Variants in PAX5 observed in about 807,000 individuals in gnomAD.
The protein encoded by PAX5 is paired box 5, also known as paired box protein Pax-5.
A neutral mutation model predicts 43.7 loss-of-function variants in PAX5; 9 were observed. The observed-to-expected ratio is 0.21, with a 90% CI of 0.12 to 0.36. The LOEUF (loss-of-function observed/expected upper bound fraction) is 0.36, where lower values mean the gene tolerates loss of function less well. Ranked by LOEUF, PAX5 falls within the 10% of genes least tolerant of loss-of-function variation. The pLI is 1.00. For missense variants in PAX5, 383 were observed against 532.7 expected, an observed-to-expected ratio of 0.72 and a Z score of 2.77; for synonymous variants, 228 against 214.3, an observed-to-expected ratio of 1.06 and a Z score of -0.56.
intron 8 of PAX5, among the ~76,000 whole-genome samples, chr9:36,862,641 C>CAG (rs879903279): frequency 6.6e-6 from 1 of 152,146 alleles, no homozygotes; most frequent in Non-Finnish European, 1.5e-5. Context: ...TGGCTGGGGG[C>CAG]GTTTGGTCTG....
At position 36,882,267 on chromosome 9, in the gene PAX5, TACAC is replaced by T. The variant is rs10650417; in HGVS notation, c.911-166_911-163del. On this transcript the variant is annotated intron_variant, in intron 7 of 9. Coordinates refer to ENST00000358127, the MANE Select transcript of PAX5 (RefSeq NM_016734.3). This position sits in a 1 kb window ranked among gnomAD's most constrained non-coding sequence, Gnocchi z 4.4. ...GCTCACACGCTCTCACAAACACACA[TACAC>T]ACACACACACACACACACACACACT... Among the ~76,000 whole-genome samples the T allele has an allele frequency of 0.016, 2,348 of 146,264 alleles. 20 individuals carry two copies. The highest frequency in any genetic ancestry group is 0.024 in the East Asian group (117 of 4,818).
At chr9:37,024,126 A>G (rs1334420177) in intron 1 of PAX5, among the ~76,000 whole-genome samples, 1 of 152,232 alleles carries the variant, frequency 6.6e-6, no homozygotes, top group East Asian at 1.9e-4. Context: ...CATATTCTGC[A>G]AAATGGGTGA....
rs1212029510 is a variant in PAX5, at chr9:37,015,293, T to A, written c.213-99A>T. On this transcript the variant is annotated intron_variant, in intron 2 of 9. Transcript: ENST00000358127. This position sits in a 1 kb window ranked among gnomAD's most constrained non-coding sequence, Gnocchi z 4.4. ...ACTCTGGCCAGGAAACGTCCGGATCTGCACGTTCCAATACAGTAGCCACCA... is the reference window on the plus strand; with the variant it reads ...ACTCTGGCCAGGAAACGTCCGGATCAGCACGTTCCAATACAGTAGCCACCA... 2.0e-6 allele frequency: 2 copies of A among 1,025,482 alleles called. No homozygotes were observed. The highest frequency in any genetic ancestry group is 3.2e-5 in the African/African-American group (2 of 63,112). The allele number at this position is 1,025,482 out of a possible 1,614,324, so 63.5% of individuals were successfully genotyped here. A position where few individuals can be genotyped will look rare whatever the true frequency, so the allele number is the denominator to read the frequency against.
chr9:36,971,642 A>G (rs1362063514), intron 5 of PAX5, among the ~76,000 whole-genome samples: 1 of 152,190 alleles, frequency 6.6e-6, no homozygotes, highest in Non-Finnish European at 1.5e-5. Flanking sequence ...TTCTACTCCA[A>G]GTCAAATAAT....
chr9:36,908,191 C>T (rs1424561761), intron 7 of PAX5, among the ~76,000 whole-genome samples: 1 of 148,004 alleles, frequency 6.8e-6, no homozygotes, highest in East Asian at 2.0e-4. Context: ...AGGGTAAGAC[C>T]CTGTTTCAAA....
At chr9:36,920,919 T>A (rs1830125333) in intron 7 of PAX5, among the ~76,000 whole-genome samples, 1 of 147,426 alleles carries the variant, frequency 6.8e-6, no homozygotes, top group South Asian at 2.2e-4. Context: ...GTTCAAGCAA[T>A]TCTCCTGCCT....
At chr9:36,965,776 C>G (rs1484664574) in intron 6 of PAX5, among the ~76,000 whole-genome samples, 1 of 152,182 alleles carries the variant, frequency 6.6e-6, no homozygotes, top group East Asian at 1.9e-4. Flanking sequence ...AGAGCCATGT[C>G]TAGCCTGCAA....
intron 1 of PAX5, among the ~76,000 whole-genome samples, chr9:37,030,014 G>A (rs538449414): frequency 6.6e-6 from 1 of 152,222 alleles, no homozygotes; most frequent in South Asian, 2.1e-4. Flanking sequence ...GAATATGCCC[G>A]CACACGCAGG....
At chr9:37,033,956 G>A (rs2132592550) in intron 1 of PAX5, 30 bp downstream of exon 1, 1 of 1,608,762 alleles carries the variant, frequency 6.2e-7, no homozygotes, top group Middle Eastern at 2.2e-4. Flanking sequence ...CCCGGAGTTT[G>A]CACATCTGGA....
chr9:36,862,764 G>A (rs1027707100), intron 8 of PAX5, among the ~76,000 whole-genome samples: 4 of 152,174 alleles, frequency 2.6e-5, no homozygotes, highest in African/African-American at 9.7e-5. Flanking sequence ...CTGGGCATCT[G>A]CCCTGTGCCA....
rs1471003388 is a variant in PAX5, at chr9:36,881,993, T to A, written c.1012+11A>T. ...CTGCCTGCTGTGGAGACGCCGACAG[T>A]GCAAACTCACCAGGCACCATCCCTG... On this transcript the variant is annotated intron_variant, in intron 8 of 9. Transcript: ENST00000358127. The A allele has an allele frequency of 2.5e-6, 4 of 1,602,592 alleles. No homozygotes were observed. The South Asian group carries it at 4.5e-5, about 18-fold the overall frequency.
chr9:36,959,812 G>A (rs957538927), intron 6 of PAX5, among the ~76,000 whole-genome samples: 1 of 152,242 alleles, frequency 6.6e-6, no homozygotes, highest in Admixed American at 6.5e-5. Flanking sequence ...CCACCAGCCT[G>A]GGCTCTGGAG....
At chr9:36,912,912 G>A (rs1829421447) in intron 7 of PAX5, among the ~76,000 whole-genome samples, 1 of 152,194 alleles carries the variant, frequency 6.6e-6, no homozygotes, top group Non-Finnish European at 1.5e-5. Context: ...TCATAGATAG[G>A]GAAATGAGCT....
At chr9:36,941,465 C>T (rs1207194000) in intron 6 of PAX5, among the ~76,000 whole-genome samples, 1 of 152,222 alleles carries the variant, frequency 6.6e-6, no homozygotes, top group Non-Finnish European at 1.5e-5. Context: ...ACCCATGCAT[C>T]ACCCAGTATG....
intron 5 of PAX5, among the ~76,000 whole-genome samples, chr9:36,989,348 G>T (rs1435642352): frequency 6.8e-6 from 1 of 147,632 alleles, no homozygotes; most frequent in African/African-American, 2.5e-5. Context: ...TAAGCACCTA[G>T]GTACTAGTCC....
intron 8 of PAX5, among the ~76,000 whole-genome samples, chr9:36,849,736 C>T (rs1433239460): frequency 6.6e-6 from 1 of 152,226 alleles, no homozygotes; most frequent in Non-Finnish European, 1.5e-5. Context: ...CTACCAGGGA[C>T]TGGCTTGCCT....
chr9:36,962,474 G>T (rs1335908548), intron 6 of PAX5, among the ~76,000 whole-genome samples: 1 of 152,192 alleles, frequency 6.6e-6, no homozygotes, highest in Non-Finnish European at 1.5e-5. Flanking sequence ...AGCCTGTTTG[G>T]CAGGCATTTG....
chr9:36,874,760 C>T (rs1261427732), intron 8 of PAX5, among the ~76,000 whole-genome samples: 1 of 152,130 alleles, frequency 6.6e-6, no homozygotes, highest in Non-Finnish European at 1.5e-5. Context: ...TCCACAGGCT[C>T]CAGGAGGTAT....
chr9:36,870,502 T>A (rs1179415782), intron 8 of PAX5, among the ~76,000 whole-genome samples: 1 of 152,244 alleles, frequency 6.6e-6, no homozygotes, highest in Non-Finnish European at 1.5e-5. Context: ...GGTTTTTAAA[T>A]GTAATGAAAT....
Sources: allele counts gnomAD v4.1 joint callset (sites outside exome capture counted in the v4.1 genomes callset), GRCh38; gene constraint gnomAD v4.1.1; non-coding constraint Gnocchi (gnomAD v3.1); transcripts MANE v1.5; gene names NCBI Gene and HGNC (gene_info 2026-07-23, HGNC 2026-07-21).